MAF: variants seen among roughly 807,000 people sequenced by gnomAD.
The protein encoded by MAF is transcription factor Maf.
In MAF, 10 loss-of-function variants were observed where a neutral mutation model predicts 22.0. That is an observed-to-expected ratio of 0.45 (90% CI 0.28 to 0.77). The LOEUF is 0.77. Among genes scored for constraint, MAF ranks in the 30% least tolerant of loss-of-function variants. MAF has a pLI of 0.12. For missense variants in MAF, 544 were observed against 548.4 expected (o/e 0.99, Z 0.08); for synonymous variants, 337 against 255.8 (o/e 1.32, Z -3.03).
chr16:79,234,750 A>G, the MAF span, among the ~76,000 whole-genome samples: 1 of 152,096 alleles, frequency 6.6e-6, no homozygotes, highest in Non-Finnish European at 1.5e-5. Flanking sequence ...CTGTGGACCC[A>G]ACACAGTGGG....
the MAF span, among the ~76,000 whole-genome samples, chr16:79,272,976 G>A: frequency 6.6e-6 from 1 of 152,164 alleles, no homozygotes; most frequent in Non-Finnish European, 1.5e-5. Context: ...AATCCAAAAT[G>A]TGTCTAAACT....
At chr16:79,325,753 C>T in the MAF span, among the ~76,000 whole-genome samples, 1 of 152,198 alleles carries the variant, frequency 6.6e-6, no homozygotes, top group Non-Finnish European at 1.5e-5. Context: ...CAGGAAGACC[C>T]AGTTCTTCAC....
the MAF span, among the ~76,000 whole-genome samples, chr16:79,288,135 G>C: frequency 2.0e-5 from 3 of 152,124 alleles, no homozygotes; most frequent in Non-Finnish European, 4.4e-5. Context: ...GGGAGGAGTG[G>C]ACTCCAGGCT....
the MAF span, among the ~76,000 whole-genome samples, chr16:79,343,993 C>G: frequency 6.6e-6 from 1 of 152,162 alleles, no homozygotes; most frequent in African/African-American, 2.4e-5. Context: ...CTCTCTAGAT[C>G]CTGGTCCAGT....
the MAF span, among the ~76,000 whole-genome samples, chr16:79,560,954 G>C: frequency 5.3e-5 from 8 of 152,258 alleles, no homozygotes; most frequent in African/African-American, 1.9e-4. Context: ...TGCATTCAAG[G>C]TTTGCTCTAC....
At chr16:79,304,957 C>G in the MAF span, among the ~76,000 whole-genome samples, 1,114 of 152,104 alleles carry the variant, frequency 7.3e-3, 16 homozygotes, top group African/African-American at 0.025. Flanking sequence ...GAACCACCAG[C>G]TCATTAATGA....
the MAF span, among the ~76,000 whole-genome samples, chr16:79,391,848 AAG>A: frequency 1.8e-3 from 264 of 147,662 alleles, 1 homozygote; most frequent in African/African-American, 6.5e-3. Flanking sequence ...AAGTGGGGGA[AAG>A]AGAGAGAAGA....
the MAF span, among the ~76,000 whole-genome samples, chr16:79,247,258 G>A: frequency 6.6e-6 from 1 of 152,206 alleles, no homozygotes; most frequent in Non-Finnish European, 1.5e-5. Context: ...GTGAGTCAAA[G>A]GAGAATAGTT....
chr16:79,226,364 A>G, the MAF span, among the ~76,000 whole-genome samples: 1 of 151,994 alleles, frequency 6.6e-6, no homozygotes, highest in African/African-American at 2.4e-5. Context: ...AACATCACAT[A>G]CCAGGGCCTG....
the MAF span, among the ~76,000 whole-genome samples, chr16:79,275,053 A>G: frequency 1.3e-5 from 2 of 152,328 alleles, no homozygotes; most frequent in East Asian, 3.9e-4. Flanking sequence ...CTTCCTCTCT[A>G]CATCTAAAAA....
chr16:79,248,613 A>G, the MAF span, among the ~76,000 whole-genome samples: 1 of 152,098 alleles, frequency 6.6e-6, no homozygotes, highest in Non-Finnish European at 1.5e-5. Context: ...GCTCCTTCTC[A>G]ATTCTTTTCA....
chr16:79,281,078 G>A, the MAF span, among the ~76,000 whole-genome samples: 1 of 152,292 alleles, frequency 6.6e-6, no homozygotes, highest in East Asian at 1.9e-4. Context: ...CAGAGAGGAA[G>A]AGGAAGAAGA....
chr16:79,359,981 G>C, the MAF span, among the ~76,000 whole-genome samples: 3 of 152,154 alleles, frequency 2.0e-5, no homozygotes, highest in Non-Finnish European at 4.4e-5. Context: ...TTGGCATGGG[G>C]AGTATTGTTC....
At chr16:79,563,152 G>T in the MAF span, among the ~76,000 whole-genome samples, 2 of 152,108 alleles carry the variant, frequency 1.3e-5, no homozygotes, top group African/African-American at 4.8e-5. Flanking sequence ...ATAAAGCACT[G>T]GACTTTCCAG....
chr16:79,493,483 T>C, the MAF span, among the ~76,000 whole-genome samples: 3 of 152,120 alleles, frequency 2.0e-5, no homozygotes, highest in Non-Finnish European at 4.4e-5. Context: ...CCTGGCCTCT[T>C]TTTGTATTTT....
the MAF span, among the ~76,000 whole-genome samples, chr16:79,540,682 C>G: frequency 1.3e-5 from 2 of 152,192 alleles, no homozygotes; most frequent in African/African-American, 4.8e-5. Flanking sequence ...TTGTGAAGGT[C>G]TAATGAGGTT....
At chr16:79,526,424 T>C in the MAF span, among the ~76,000 whole-genome samples, 1 of 151,896 alleles carries the variant, frequency 6.6e-6, no homozygotes, top group African/African-American at 2.4e-5. Context: ...TGATGGGGAG[T>C]GGCTGTATAT....
At chr16:79,225,608 A>G in the MAF span, among the ~76,000 whole-genome samples, 3 of 152,228 alleles carry the variant, frequency 2.0e-5, no homozygotes, top group African/African-American at 7.2e-5. Context: ...AATGGGAGAA[A>G]ATTTTTGCAA....
chr16:79,578,398 G>A, the MAF span, among the ~76,000 whole-genome samples: 1 of 151,910 alleles, frequency 6.6e-6, no homozygotes, highest in Admixed American at 6.6e-5. Flanking sequence ...GGTGCATGCC[G>A]ATATTTATAT....
Sources: gnomAD v4.1 joint callset for allele counts (sites outside exome capture counted in the v4.1 genomes callset) on GRCh38, gnomAD v4.1.1 for gene constraint, MANE v1.5 for transcripts, NCBI Gene and HGNC (gene_info 2026-07-23, HGNC 2026-07-21) for gene names.